Variants in DNM3 observed in about 807,000 individuals in gnomAD.
The protein encoded by DNM3 is dynamin 3, also known as dynamin-3.
In DNM3, 47 loss-of-function variants were observed where a neutral mutation model predicts 101.6. The observed-to-expected ratio is 0.46, with a 90% CI of 0.37 to 0.59. DNM3 has a LOEUF of 0.59. DNM3 is among the 20% of genes least tolerant of loss of function. The pLI is 0.00. For missense variants in DNM3, 849 were observed against 1,085.7 expected (o/e 0.78, Z 3.06); for synonymous variants, 385 against 387.9 (o/e 0.99, Z 0.09).
At chr1:172,287,003 T>A (rs1383479718) in intron 15 of DNM3, among the ~76,000 whole-genome samples, 6 of 152,124 alleles carry the variant, frequency 3.9e-5, no homozygotes, top group Non-Finnish European at 8.8e-5. Context: ...AGGAGAGAAA[T>A]GCCTGTGTCC....
At chr1:172,402,173 CA>C (rs1425530466) in intron 20 of DNM3, among the ~76,000 whole-genome samples, 2 of 151,384 alleles carry the variant, frequency 1.3e-5, no homozygotes, top group African/African-American at 2.4e-5. Context: ...CCTCAAACTT[CA>C]AAAAAAATGA....
chr1:172,307,268 G>GA (rs1162228324), intron 15 of DNM3, among the ~76,000 whole-genome samples: 1 of 152,022 alleles, frequency 6.6e-6, no homozygotes, highest in Non-Finnish European at 1.5e-5. Flanking sequence ...GCAGACACAT[G>GA]AAAAAATGCT....
At chr1:172,270,691 T>C (rs1202457700) in intron 15 of DNM3, among the ~76,000 whole-genome samples, 2 of 152,218 alleles carry the variant, frequency 1.3e-5, no homozygotes, top group African/African-American at 4.8e-5. Flanking sequence ...AGTCACACTC[T>C]GCAGCTAACT....
chr1:172,318,182 A>T (rs918719044), intron 16 of DNM3, among the ~76,000 whole-genome samples: 4 of 152,238 alleles, frequency 2.6e-5, no homozygotes, highest in South Asian at 4.1e-4. Context: ...GAAAAAATTC[A>T]ACAGCCCTTC....
chr1:171,890,618 GT>G (rs1027608108), intron 1 of DNM3, among the ~76,000 whole-genome samples: 1 of 150,744 alleles, frequency 6.6e-6, no homozygotes, highest in East Asian at 1.9e-4. Context: ...TCATTAAGTT[GT>G]TTTTTTTTGT....
chr1:172,229,247 G>A (rs2061246203), intron 14 of DNM3, among the ~76,000 whole-genome samples: 1 of 152,102 alleles, frequency 6.6e-6, no homozygotes, highest in Non-Finnish European at 1.5e-5. Context: ...AACAATTATT[G>A]AGACTTAGTA....
chr1:172,137,747 T>A (rs2057323482), intron 14 of DNM3: 1 of 152,158 alleles, frequency 6.6e-6, no homozygotes, highest in Admixed American at 6.5e-5. Context: ...AGCTAAAACA[T>A]GTTAATGAAC....
intron 2 of DNM3, among the ~76,000 whole-genome samples, chr1:171,973,736 T>C (rs371259661): frequency 3.3e-5 from 5 of 151,966 alleles, no homozygotes; most frequent in South Asian, 4.2e-4. Flanking sequence ...TAATCTTGGC[T>C]TACTGCAGCC....
rs1168334078 is a variant in DNM3, at chr1:172,225,134, C to CTTTTTTTTTT, written c.1660-28423_1660-28414dup. Among the ~76,000 whole-genome samples, 25 of 65,528 alleles carry CTTTTTTTTTT rather than the reference C, an allele frequency of 3.8e-4. 1 individual carries two copies. Among genetic ancestry groups the CTTTTTTTTTT allele is most frequent in the African/African-American group, 5.3e-4 (8 of 15,158 alleles). 43.0% of individuals were successfully genotyped at this position (65,528 alleles called of 152,430 possible). On this transcript the variant is annotated intron_variant, in intron 14 of 20. Coordinates refer to ENST00000627582, the MANE Select transcript of DNM3 (RefSeq NM_015569.5). ...CATGTCCCTCCTGTTTCTTCTTCCTCTTTTTTTTTTTTTTTTTTTTTTTTT... is the reference window on the plus strand; with the variant it reads ...CATGTCCCTCCTGTTTCTTCTTCCTCTTTTTTTTTTTTTTTTTTTTTTTTTTTTTTTTTTT...
At position 172,409,931 on chromosome 1, in the gene DNM3, G is replaced by A. The variant is rs758971227; in HGVS notation, c.*2090G>A. 1.1e-4 allele frequency: 113 copies of A among 985,544 alleles called. No homozygotes were observed. The South Asian group carries it at 1.2e-3, about 10-fold the overall frequency. The allele number at this position is 985,544 out of a possible 1,614,324, so 61.0% of individuals were successfully genotyped here. ...GTGTTCTTAGATCAGCACAAACCAT[G>A]TCAAAAAAAATTGGAGATTTTTTTC... is the stretch of plus-strand genomic sequence containing the variant. On this transcript the variant is annotated 3_prime_UTR_variant, in exon 21 of 21. Transcript: ENST00000627582.
chr1:172,219,401 A>AT (rs1205380244), intron 14 of DNM3, among the ~76,000 whole-genome samples: 4 of 150,104 alleles, frequency 2.7e-5, no homozygotes, highest in African/African-American at 9.9e-5. Flanking sequence ...AAAAAAAAAA[A>AT]AGAAGACGCT....
intron 1 of DNM3, among the ~76,000 whole-genome samples, chr1:171,898,962 T>C (rs909691854): frequency 6.6e-6 from 1 of 152,190 alleles, no homozygotes; most frequent in African/African-American, 2.4e-5. Context: ...TGATGAGTAG[T>C]ATTTGAAACT....
intron 15 of DNM3, among the ~76,000 whole-genome samples, chr1:172,292,648 G>T (rs138873887): frequency 1.3e-5 from 2 of 151,384 alleles, no homozygotes; most frequent in East Asian, 1.9e-4. Flanking sequence ...TTCCTTACAC[G>T]CAACTATTAA....
At chr1:172,406,139 A>G (rs996992339) in intron 20 of DNM3, among the ~76,000 whole-genome samples, 1 of 151,942 alleles carries the variant, frequency 6.6e-6, no homozygotes, top group Admixed American at 6.6e-5. Context: ...GTTCAGTGTG[A>G]TGACTAATAA....
chr1:171,928,738 A>G lies in DNM3; in HGVS notation c.235+6917A>G, dbSNP rs527850268. On this transcript the variant is annotated intron_variant, in intron 2 of 20. Transcript: ENST00000627582. The stretch of plus-strand genomic sequence containing the variant: ...GGAGGCTTTGTCCAGGGAATTGCCA[A>G]GCTGCTACTGGCTTGATTGCTCTGG... Among the ~76,000 whole-genome samples the G allele has an allele frequency of 2.6e-5, 4 of 152,308 alleles. No individual in the cohort carries two copies. The East Asian group carries it at 5.8e-4, about 22-fold the overall frequency.
At chr1:171,937,004 A>G (rs1254338803) in intron 2 of DNM3, among the ~76,000 whole-genome samples, 3 of 152,218 alleles carry the variant, frequency 2.0e-5, no homozygotes, top group Non-Finnish European at 4.4e-5. Flanking sequence ...AGTCACTAAT[A>G]TGAGAACAAT....
intron 1 of DNM3, among the ~76,000 whole-genome samples, chr1:171,844,479 TCA>T (rs2031766302): frequency 6.6e-6 from 1 of 152,212 alleles, no homozygotes; most frequent in African/African-American, 2.4e-5. Context: ...GTATCTTCTC[TCA>T]GTTTGTTTAT....
At chr1:172,072,953 C>T (rs993370315) in intron 11 of DNM3, among the ~76,000 whole-genome samples, 2 of 151,980 alleles carry the variant, frequency 1.3e-5, no homozygotes, top group Non-Finnish European at 2.9e-5. Flanking sequence ...CAAATAAGGC[C>T]GCAAATGTTT....
chr1:172,267,128 G>A (rs1349021303), intron 15 of DNM3, among the ~76,000 whole-genome samples: 2 of 152,188 alleles, frequency 1.3e-5, no homozygotes, highest in Non-Finnish European at 2.9e-5. Context: ...ACAATGATAA[G>A]TTAAATAATT....
Sources: gnomAD v4.1 joint callset for allele counts (sites outside exome capture counted in the v4.1 genomes callset) on GRCh38, gnomAD v4.1.1 for gene constraint, MANE v1.5 for transcripts, NCBI Gene and HGNC (gene_info 2026-07-23, HGNC 2026-07-21) for gene names.